ZRANB3: variants seen among roughly 807,000 people sequenced by gnomAD.
ZRANB3 encodes the protein DNA annealing helicase and endonuclease ZRANB3.
In ZRANB3, 125 loss-of-function variants were observed where a neutral mutation model predicts 133.8. The observed-to-expected ratio is 0.93, with a 90% CI of 0.81 to 1.08. The LOEUF is 1.08. Ranked by LOEUF, ZRANB3 falls within the 50% of genes least tolerant of loss-of-function variation. The probability of loss-of-function intolerance (pLI) is 0.00; values close to 1 mark genes in which losing one functional copy is unlikely to be tolerated. For synonymous variants in ZRANB3, 387 were observed against 432.7 expected, an observed-to-expected ratio of 0.89 and a Z score of 1.31; for missense variants, 1,229 against 1,275.5, an observed-to-expected ratio of 0.96 and a Z score of 0.56.
chr2:135,517,375 T>G (rs1042559171), intron 1 of ZRANB3, among the ~76,000 whole-genome samples: 5 of 152,098 alleles, frequency 3.3e-5, no homozygotes, highest in Admixed American at 2.6e-4. Flanking sequence ...ATTTTCAGCC[T>G]TTTTGTGCTG....
chr2:135,365,724 G>A (rs1685903789), intron 3 of ZRANB3, among the ~76,000 whole-genome samples: 1 of 152,158 alleles, frequency 6.6e-6, no homozygotes, highest in African/African-American at 2.4e-5. Flanking sequence ...AAGGACCATA[G>A]ATAAGTTCAG....
In ZRANB3 at chr2:135,207,574, CT is replaced by C. The variant is rs534955354; in HGVS notation, c.2868del (p.Val957TyrfsTer14). ...IRSNNSYLRA[K>X]VFETEHGVCQ... The stretch of plus-strand genomic sequence containing the variant: ...CACACACCATGTTCAGTTTCAAATA[CT>C]TTGGCTCTCAGGTAACTGTTATTAG... On this transcript the variant is annotated frameshift_variant, in exon 19 of 21. Coordinates refer to ENST00000264159, the MANE Select transcript of ZRANB3 (RefSeq NM_032143.4). LOFTEE classifies it high-confidence loss of function. 1 of 1,614,052 alleles carries C rather than the reference CT, an allele frequency of 6.2e-7. No individual in the cohort carries two copies. The highest frequency in any genetic ancestry group is 1.3e-5 in the African/African-American group (1 of 75,076).
intron 2 of ZRANB3, among the ~76,000 whole-genome samples, chr2:135,467,520 A>G (rs746918227): frequency 2.0e-5 from 3 of 152,212 alleles, no homozygotes; most frequent in Non-Finnish European, 4.4e-5. Flanking sequence ...TCCTTCTGGC[A>G]AACTCTAAAT....
chr2:135,513,677 G>A (rs1693575034), intron 1 of ZRANB3, among the ~76,000 whole-genome samples: 1 of 152,062 alleles, frequency 6.6e-6, no homozygotes, highest in African/African-American at 2.4e-5. Flanking sequence ...AACACTAAAA[G>A]CAAAAACATG....
At chr2:135,490,529 C>A (rs1419251247) in intron 2 of ZRANB3, among the ~76,000 whole-genome samples, 1 of 152,108 alleles carries the variant, frequency 6.6e-6, no homozygotes, top group Non-Finnish European at 1.5e-5. Context: ...AAAGAGGAAT[C>A]CTTGCACACT....
At chr2:135,351,620 C>T (rs1223740418) in intron 4 of ZRANB3, among the ~76,000 whole-genome samples, 3 of 152,170 alleles carry the variant, frequency 2.0e-5, no homozygotes, top group Non-Finnish European at 4.4e-5. Context: ...ATATTACTAA[C>T]TAACTTAGGT....
At chr2:135,500,292 A>T (rs1275412728) in intron 2 of ZRANB3, among the ~76,000 whole-genome samples, 1 of 152,196 alleles carries the variant, frequency 6.6e-6, no homozygotes, top group Non-Finnish European at 1.5e-5. Flanking sequence ...ATACATCAGA[A>T]ATGTGTATAT....
chr2:135,224,446 G>T lies in ZRANB3; in HGVS notation c.2230C>A (p.Arg744=). Residue 744 remains arginine (R), a synonymous_variant, in exon 15 of 21, where the codon CGG becomes AGG. Transcript: ENST00000264159. ...LMFCASRNTD[R]IHIYTKDGKQ... is the part of the protein sequence containing the mutation. The stretch of plus-strand genomic sequence containing the variant: ...CTTACCTTAGTATAGATGTGAATCC[G>T]GTCAGTATTCCTACTTGCACAGAAC... 6.2e-7 allele frequency: 1 copy of T among 1,612,306 alleles called. No homozygotes were observed. Among genetic ancestry groups the T allele is most frequent in the Non-Finnish European group, 8.5e-7 (1 of 1,178,934 alleles).
Position 135,501,935 on chromosome 2 carries a change from G to C in ZRANB3, c.161+2394C>G, listed in dbSNP as rs1418001979. On this transcript the variant is annotated intron_variant, in intron 2 of 20. Coordinates refer to ENST00000264159, the MANE Select transcript of ZRANB3 (RefSeq NM_032143.4). The stretch of plus-strand genomic sequence containing the variant: ...TTTGTAATAAATAAGTCATCTGTAA[G>C]GTGATATTTTGAGACTCAAGGGTAT... Among the ~76,000 whole-genome samples, 6 of 152,076 alleles carry C rather than the reference G, an allele frequency of 3.9e-5. No homozygotes were observed. The South Asian group carries it at 8.3e-4, about 21-fold the overall frequency.
At chr2:135,243,858 G>A (rs190196200) in intron 12 of ZRANB3, among the ~76,000 whole-genome samples, 257 of 151,946 alleles carry the variant, frequency 1.7e-3, no homozygotes, top group African/African-American at 6.0e-3. Context: ...GGGCTCAAGC[G>A]ATCCTTCTGC....
chr2:135,389,607 A>G (rs1209623182), intron 3 of ZRANB3, among the ~76,000 whole-genome samples: 1 of 151,968 alleles, frequency 6.6e-6, no homozygotes, highest in East Asian at 2.0e-4. Flanking sequence ...GGGGAGGCTG[A>G]GGCAAGAGAA....
intron 2 of ZRANB3, among the ~76,000 whole-genome samples, chr2:135,410,813 G>A (rs1199353451): frequency 6.6e-6 from 1 of 152,116 alleles, no homozygotes; most frequent in East Asian, 1.9e-4. Flanking sequence ...GGCATGAACA[G>A]ACACTTCTCA....
At chr2:135,485,260 C>G (rs1445711563) in intron 2 of ZRANB3, among the ~76,000 whole-genome samples, 1 of 151,740 alleles carries the variant, frequency 6.6e-6, no homozygotes, top group Non-Finnish European at 1.5e-5. Flanking sequence ...GTTGCAAAGT[C>G]AAGAATCCCT....
At chr2:135,380,988 T>C (rs904769694) in intron 3 of ZRANB3, among the ~76,000 whole-genome samples, 6 of 152,142 alleles carry the variant, frequency 3.9e-5, no homozygotes, top group African/African-American at 7.2e-5. Flanking sequence ...TCACTGGGGA[T>C]TGTGGGACAG....
At chr2:135,420,109 AT>A (rs1461012091) in intron 2 of ZRANB3, among the ~76,000 whole-genome samples, 5 of 143,394 alleles carry the variant, frequency 3.5e-5, no homozygotes, top group East Asian at 2.0e-4. Context: ...ATATATATAT[AT>A]ATATATATAT....
At chr2:135,274,088 G>A (rs1369877280) in intron 9 of ZRANB3, among the ~76,000 whole-genome samples, 2 of 152,162 alleles carry the variant, frequency 1.3e-5, no homozygotes, top group African/African-American at 4.8e-5. Flanking sequence ...ACCTTTTAAT[G>A]TATAGCACTT....
Position 135,504,434 on chromosome 2 carries a change from G to C in ZRANB3, c.56C>G (p.Thr19Arg). The change falls in exon 2 of 21, where the codon ACA becomes AGA. Residue 19 changes from threonine (T) to arginine (R), a missense_variant. Transcript: ENST00000264159. ...KSLTPHISCVTNESDNLLDFL... is the reference protein window; with the variant it reads ...KSLTPHISCVRNESDNLLDFL... Reference sequence around the variant, plus strand: ...ATCCAGCAGATTATCAGATTCATTTGTCACACAAGAAATGTGAGGTGTAAG... The same window carrying C: ...ATCCAGCAGATTATCAGATTCATTTCTCACACAAGAAATGTGAGGTGTAAG... 3 of 1,613,606 alleles carry C rather than the reference G, an allele frequency of 1.9e-6. No homozygotes were observed. Among genetic ancestry groups the C allele is most frequent in the Non-Finnish European group, 2.5e-6 (3 of 1,179,726 alleles).
chr2:135,311,700 T>C (rs908934818), intron 8 of ZRANB3, among the ~76,000 whole-genome samples: 14 of 152,098 alleles, frequency 9.2e-5, no homozygotes, highest in African/African-American at 3.4e-4. Context: ...CAGTGAGCTA[T>C]GATTGTGGCA....
intron 2 of ZRANB3, among the ~76,000 whole-genome samples, chr2:135,493,509 TA>T (rs1476044153): frequency 6.6e-6 from 1 of 152,078 alleles, no homozygotes; most frequent in Non-Finnish European, 1.5e-5. Flanking sequence ...ATGTATCTAT[TA>T]TATGTTGTAT....
Sources: allele counts gnomAD v4.1 joint callset (sites outside exome capture counted in the v4.1 genomes callset), GRCh38; gene constraint gnomAD v4.1.1; transcripts MANE v1.5; gene names NCBI Gene and HGNC (gene_info 2026-07-23, HGNC 2026-07-21).